Variants in RHEX observed in about 807,000 individuals in gnomAD.
RHEX encodes regulator of hemoglobinization and erythroid cell expansion protein.
Under a neutral mutation model 20.1 loss-of-function variants are expected in RHEX, and 18 were observed. That is an observed-to-expected ratio of 0.90 (90% CI 0.62 to 1.33). RHEX has a LOEUF of 1.33. RHEX is among the 40% of genes most tolerant of loss of function. The pLI, the probability that RHEX is intolerant of heterozygous loss-of-function variation, is 0.00. For missense variants in RHEX, 192 were observed against 214.3 expected (o/e 0.90, Z 0.65); for synonymous variants, 87 against 77.1 (o/e 1.13, Z -0.67).
intron 1 of RHEX, among the ~76,000 whole-genome samples, chr1:206,064,633 G>A (rs553116714): frequency 2.1e-3 from 293 of 137,704 alleles, no homozygotes; most frequent in Non-Finnish European, 3.6e-3. Flanking sequence ...CCGGCCGGCC[G>A]CCCCGTCCCG....
intron 1 of RHEX, among the ~76,000 whole-genome samples, chr1:206,090,323 A>T (rs899823760): frequency 1.3e-5 from 2 of 148,288 alleles, no homozygotes; most frequent in African/African-American, 5.0e-5. Flanking sequence ...CTCCTGCCTC[A>T]GCCTCCAGAG....
intron 1 of RHEX, among the ~76,000 whole-genome samples, chr1:206,065,911 C>T (rs1553284123): frequency 6.6e-6 from 1 of 152,204 alleles, no homozygotes; most frequent in African/African-American, 2.4e-5. Context: ...TTTCAGTGGC[C>T]TGTATCTGCT....
In RHEX at chr1:206,101,806, A is replaced by AAAAATG; in HGVS notation, c.375_380dup (p.Asn126_Asp127insGluAsn). The stretch of plus-strand genomic sequence containing the variant: ...CGTCTTTTCTGACCCTGGAGAACTA[A>AAAAATG]AAAATGACTCCCCGCTGGACTATGA... On this transcript the variant is annotated inframe_insertion, in exon 6 of 6. Coordinates refer to ENST00000331555, the MANE Select transcript of RHEX (RefSeq NM_001007544.4). 1 of 1,614,024 alleles carries AAAAATG rather than the reference A, an allele frequency of 6.2e-7. No homozygotes were observed. The highest frequency in any genetic ancestry group is 8.5e-7 in the Non-Finnish European group (1 of 1,180,006).
intron 1 of RHEX, among the ~76,000 whole-genome samples, chr1:206,072,048 T>G (rs1662547195): frequency 6.6e-6 from 1 of 152,146 alleles, no homozygotes; most frequent in African/African-American, 2.4e-5. Flanking sequence ...CAGGTACCAT[T>G]TAGCAACAGA....
At chr1:206,093,270 CT>C (rs756449388) in intron 1 of RHEX, among the ~76,000 whole-genome samples, 1,605 of 144,854 alleles carry the variant, frequency 0.011, 9 homozygotes, top group Non-Finnish European at 0.017. Flanking sequence ...TATGATTTTT[CT>C]TTTTTTTTTT....
At chr1:206,085,634 T>C (rs531050383) in intron 1 of RHEX, among the ~76,000 whole-genome samples, 1 of 152,322 alleles carries the variant, frequency 6.6e-6, no homozygotes, top group Admixed American at 6.5e-5. Context: ...TGCTAGAAAT[T>C]GGCAGTGCTT....
At chr1:206,080,940 C>T (rs1222563358) in intron 1 of RHEX, among the ~76,000 whole-genome samples, 5 of 152,132 alleles carry the variant, frequency 3.3e-5, no homozygotes, top group Non-Finnish European at 5.9e-5. Context: ...GTAGCTGGGA[C>T]TACAGGCGCA....
intron 1 of RHEX, among the ~76,000 whole-genome samples, chr1:206,094,020 T>G (rs910534904): frequency 1.3e-5 from 2 of 152,058 alleles, no homozygotes; most frequent in South Asian, 2.1e-4. Context: ...ACTACATTAG[T>G]GTGGGGGCTG....
chr1:206,077,002 C>T (rs144004128), intron 1 of RHEX, among the ~76,000 whole-genome samples: 1 of 152,298 alleles, frequency 6.6e-6, no homozygotes, highest in East Asian at 1.9e-4. Context: ...ATGTGCTCGA[C>T]ACATGTTTGT....
At chr1:206,094,849 G>C (rs1193241991) in intron 1 of RHEX, among the ~76,000 whole-genome samples, 1 of 152,172 alleles carries the variant, frequency 6.6e-6, no homozygotes, top group Non-Finnish European at 1.5e-5. Context: ...ATATTAAAAT[G>C]TGGAAGATGG....
chr1:206,064,426 C>A (rs1170211582), intron 1 of RHEX, among the ~76,000 whole-genome samples: 1 of 105,800 alleles, frequency 9.5e-6, no homozygotes, highest in African/African-American at 4.5e-5. Flanking sequence ...CCGCCCCGTC[C>A]GGGAGGGAGG....
At chr1:206,094,169 GGTGTGT>G (rs66885504) in intron 1 of RHEX, among the ~76,000 whole-genome samples, 120 of 148,676 alleles carry the variant, frequency 8.1e-4, no homozygotes, top group East Asian at 2.8e-3. Flanking sequence ...CTGGTTATTT[GGTGTGT>G]GTGTGTGTGT....
At chr1:206,084,621 T>C (rs1662802177) in intron 1 of RHEX, among the ~76,000 whole-genome samples, 1 of 152,202 alleles carries the variant, frequency 6.6e-6, no homozygotes, top group Non-Finnish European at 1.5e-5. Context: ...GGAAGACTTG[T>C]TGATTGGCTG....
At chr1:206,065,481 G>A (rs1018440363) in intron 1 of RHEX, among the ~76,000 whole-genome samples, 2 of 152,158 alleles carry the variant, frequency 1.3e-5, no homozygotes, top group African/African-American at 4.8e-5. Flanking sequence ...GGATGGCAGG[G>A]ACCCCACAGA....
At chr1:206,073,675 G>A (rs782239545) in intron 1 of RHEX, among the ~76,000 whole-genome samples, 8 of 151,938 alleles carry the variant, frequency 5.3e-5, no homozygotes, top group Non-Finnish European at 1.0e-4. Context: ...TCCCTGTCTC[G>A]CGCAACCAAC....
At chr1:206,053,653 A>G (rs1383881651) in intron 1 of RHEX, among the ~76,000 whole-genome samples, 1 of 152,228 alleles carries the variant, frequency 6.6e-6, no homozygotes, top group Admixed American at 6.5e-5. Context: ...ACACCAGGAA[A>G]ACTTAGAACT....
At chr1:206,076,495 A>C (rs1366313498) in intron 1 of RHEX, among the ~76,000 whole-genome samples, 1 of 152,204 alleles carries the variant, frequency 6.6e-6, no homozygotes, top group Admixed American at 6.5e-5. Context: ...TGGTTTCATA[A>C]ACCTTTTGTA....
At chr1:206,075,813 G>T (rs1314351743) in intron 1 of RHEX, among the ~76,000 whole-genome samples, 1 of 152,070 alleles carries the variant, frequency 6.6e-6, no homozygotes, top group Non-Finnish European at 1.5e-5. Flanking sequence ...TGTTGGCTAG[G>T]CTGGTTTTGA....
intron 1 of RHEX, among the ~76,000 whole-genome samples, chr1:206,094,337 T>C (rs550752408): frequency 1.1e-4 from 16 of 152,346 alleles, no homozygotes; most frequent in African/African-American, 3.8e-4. Context: ...ATAATTTTCA[T>C]ACCTTGGATC....
Sources: gnomAD v4.1 joint callset for allele counts (sites outside exome capture counted in the v4.1 genomes callset) on GRCh38, gnomAD v4.1.1 for gene constraint, MANE v1.5 for transcripts, NCBI Gene and HGNC (gene_info 2026-07-23, HGNC 2026-07-21) for gene names.